The following ESRRG variants were observed in gnomAD, a reference collection of about 807,000 sequenced individuals.
ESRRG encodes the protein estrogen related receptor gamma.
ESRRG carries 13 observed loss-of-function variants against 44.0 expected under a neutral mutation model. The observed-to-expected ratio is 0.30, with a 90% CI of 0.19 to 0.47. The LOEUF (loss-of-function observed/expected upper bound fraction) is 0.47, where lower values mean the gene tolerates loss of function less well. Ranked by LOEUF, ESRRG falls within the 20% of genes least tolerant of loss-of-function variation. The pLI, the probability that ESRRG is intolerant of heterozygous loss-of-function variation, is 1.00. For missense variants in ESRRG, 395 were observed against 580.6 expected, an observed-to-expected ratio of 0.68 and a Z score of 3.29; for synonymous variants, 215 against 214.6, an observed-to-expected ratio of 1.00 and a Z score of -0.02.
intron 1 of ESRRG, among the ~76,000 whole-genome samples, chr1:217,023,149 G>A (rs1433435710): frequency 6.6e-6 from 1 of 152,134 alleles, no homozygotes; most frequent in Non-Finnish European, 1.5e-5. Flanking sequence ...CTATCAAAAT[G>A]TACACTAACT....
chr1:216,922,901 C>T (rs893046377), intron 2 of ESRRG, among the ~76,000 whole-genome samples: 2 of 152,154 alleles, frequency 1.3e-5, no homozygotes, highest in African/African-American at 4.8e-5. Flanking sequence ...CCTAAGCCTC[C>T]ACTCCTACCC....
At chr1:216,567,889 C>A in intron 4 of ESRRG, 99 bp downstream of exon 4, 1 of 740,452 alleles carries the variant, frequency 1.4e-6, no homozygotes. Context: ...GAGAAGTCTC[C>A]TTGGAGTCAG....
At chr1:216,792,976 T>C (rs1323409216) in intron 2 of ESRRG, among the ~76,000 whole-genome samples, 2 of 152,206 alleles carry the variant, frequency 1.3e-5, no homozygotes, top group African/African-American at 4.8e-5. Context: ...CCTTTCTTTG[T>C]AAAATCAGAA....
chr1:216,865,692 A>G (rs1490749463), intron 2 of ESRRG, among the ~76,000 whole-genome samples: 3 of 152,216 alleles, frequency 2.0e-5, no homozygotes, highest in Admixed American at 6.5e-5. Flanking sequence ...TTTAATTTTC[A>G]AGATTTTACT....
At chr1:216,781,400 C>A (rs1258315961) in intron 2 of ESRRG, among the ~76,000 whole-genome samples, 7 of 152,000 alleles carry the variant, frequency 4.6e-5, no homozygotes, top group African/African-American at 7.2e-5. Flanking sequence ...TAATAAATAA[C>A]CACATTTGCA....
At chr1:216,788,525 C>G (rs143012341) in intron 2 of ESRRG, among the ~76,000 whole-genome samples, 29 of 152,230 alleles carry the variant, frequency 1.9e-4, no homozygotes, top group African/African-American at 6.5e-4. Context: ...TGCCAATTGA[C>G]TATGTACTGG....
At chr1:216,548,948 G>T (rs1344795867) in intron 5 of ESRRG, among the ~76,000 whole-genome samples, 8 of 152,104 alleles carry the variant, frequency 5.3e-5, no homozygotes, top group Admixed American at 5.2e-4. Context: ...CAAAGAATTT[G>T]CTTTTCTCCA....
chr1:217,117,217 G>T (rs1250973208), intron 1 of ESRRG, among the ~76,000 whole-genome samples: 5 of 152,156 alleles, frequency 3.3e-5, no homozygotes, highest in Admixed American at 3.3e-4. Flanking sequence ...TTATATGTAA[G>T]ATGAAGATAA....
chr1:217,039,567 C>A (rs917821846), intron 1 of ESRRG, among the ~76,000 whole-genome samples: 1 of 152,126 alleles, frequency 6.6e-6, no homozygotes, highest in African/African-American at 2.4e-5. Context: ...ACAAGAACAG[C>A]AAGGGAAAGA....
intron 5 of ESRRG, among the ~76,000 whole-genome samples, chr1:216,551,335 A>C (rs1374814451): frequency 1.3e-5 from 2 of 152,150 alleles, no homozygotes; most frequent in Non-Finnish European, 2.9e-5. Flanking sequence ...GAGGAACTGA[A>C]TATTACAAAG....
intron 2 of ESRRG, among the ~76,000 whole-genome samples, chr1:216,822,355 C>A (rs890919317): frequency 6.6e-6 from 1 of 152,106 alleles, no homozygotes; most frequent in African/African-American, 2.4e-5. Flanking sequence ...AAATCAATTA[C>A]CAAACCCAGC....
chr1:216,754,081 A>G (rs1156448300), intron 2 of ESRRG, among the ~76,000 whole-genome samples: 2 of 151,986 alleles, frequency 1.3e-5, no homozygotes, highest in Non-Finnish European at 2.9e-5. Flanking sequence ...TTTCTTCCCA[A>G]AACATAAGAG....
intron 2 of ESRRG, among the ~76,000 whole-genome samples, chr1:216,658,705 C>A (rs1002936851): frequency 6.7e-6 from 1 of 150,274 alleles, no homozygotes; most frequent in Non-Finnish European, 1.5e-5. Context: ...TGGTTGTGTG[C>A]GCCTGTAATC....
chr1:216,503,301 T>A lies in ESRRG; in HGVS notation c.*3638A>T, dbSNP rs1307941866. 1 of 152,342 alleles carries A rather than the reference T, an allele frequency of 6.6e-6. No individual in the cohort carries two copies. The highest frequency in any genetic ancestry group is 1.5e-5 in the Non-Finnish European group (1 of 67,974). 9.4% of individuals were successfully genotyped at this position (152,342 alleles called of 1,614,324 possible). ...TGCTCTACCATCATCCTGAAAGGCA[T>A]AATAATTTGAGTTACACATCTGAAC... On this transcript the variant is annotated 3_prime_UTR_variant, in exon 7 of 7. Coordinates refer to ENST00000408911, the MANE Select transcript of ESRRG (RefSeq NM_001438.4).
At chr1:216,678,495 A>G (rs1360675342) in intron 1 of ESRRG, among the ~76,000 whole-genome samples, 1 of 152,222 alleles carries the variant, frequency 6.6e-6, no homozygotes, top group African/African-American at 2.4e-5. Context: ...GCCATTTAAC[A>G]TTATACCTCC....
chr1:217,030,127 C>T (rs1352374456), intron 1 of ESRRG, among the ~76,000 whole-genome samples: 1 of 152,032 alleles, frequency 6.6e-6, no homozygotes, highest in Non-Finnish European at 1.5e-5. Flanking sequence ...CACAGAGATT[C>T]TTTCTCTCCC....
At chr1:216,782,107 C>T (rs1489014331) in intron 2 of ESRRG, among the ~76,000 whole-genome samples, 1 of 152,080 alleles carries the variant, frequency 6.6e-6, no homozygotes, top group African/African-American at 2.4e-5. Context: ...ACTGATTTCT[C>T]ATTTCTTTCT....
Position 216,976,697 on chromosome 1 carries a change from C to T in ESRRG, c.-105-37024G>A, listed in dbSNP as rs182319873. ...ATTTTTATTTGTAGGAACCTAACTGCCAGTTAGACTCATTTTTATTACCCT... is the reference window on the plus strand; with the variant it reads ...ATTTTTATTTGTAGGAACCTAACTGTCAGTTAGACTCATTTTTATTACCCT... On this transcript the variant is annotated intron_variant, in intron 1 of 7. Transcript: ENST00000359162. Among the ~76,000 whole-genome samples the T allele has an allele frequency of 2.5e-3, 385 of 152,202 alleles. 2 individuals are homozygous for T. Among genetic ancestry groups the T allele is most frequent in the African/African-American group, 8.8e-3 (366 of 41,534 alleles).
intron 1 of ESRRG, among the ~76,000 whole-genome samples, chr1:217,085,279 T>A (rs74637743): frequency 0.16 from 24,694 of 152,002 alleles, 2,308 homozygotes; most frequent in Admixed American, 0.22. Context: ...ACCATAAGGC[T>A]GTGTGTATTG....
Sources: gnomAD v4.1 joint callset for allele counts (sites outside exome capture counted in the v4.1 genomes callset) on GRCh38, gnomAD v4.1.1 for gene constraint, MANE v1.5 for transcripts, NCBI Gene and HGNC (gene_info 2026-07-23, HGNC 2026-07-21) for gene names.